The following GRTP1 variants were observed in gnomAD, a reference collection of about 807,000 sequenced individuals.
GRTP1 encodes growth hormone-regulated TBC protein 1.
GRTP1 carries 56 observed loss-of-function variants against 38.1 expected under a neutral mutation model. The observed-to-expected ratio is 1.47, with a 90% CI of 1.19 to 1.84. The LOEUF (loss-of-function observed/expected upper bound fraction) is 1.84. GRTP1 is among the 40% of genes most tolerant of loss of function. The probability of loss-of-function intolerance (pLI) is 0.00; values close to 1 mark genes in which losing one functional copy is unlikely to be tolerated. For missense variants in GRTP1, 506 were observed against 453.9 expected, an observed-to-expected ratio of 1.11 and a Z score of -1.04; for synonymous variants, 217 against 189.5, an observed-to-expected ratio of 1.14 and a Z score of -1.19.
At chr13:113,338,908 ATTTTTTT>A (rs10534935) in intron 5 of GRTP1, among the ~76,000 whole-genome samples, 1 of 93,618 alleles carries the variant, frequency 1.1e-5, no homozygotes, top group Non-Finnish European at 2.3e-5. Context: ...TTCTGCTTAG[ATTTTTTT>A]TTTTTTTTTT....
rs1429948137 is a variant in GRTP1, at chr13:113,342,256, G to C, written c.562+2607C>G. On this transcript the variant is annotated intron_variant, in intron 5 of 7. Coordinates refer to ENST00000375431, the MANE Select transcript of GRTP1 (RefSeq NM_024719.4). The surrounding 1 kb of genome is among the most constrained non-coding windows in gnomAD (Gnocchi z 4.5). ...GCTGTCACTTTTTATTCTATAAAAA[G>C]TACTGTTGGGAGGCCGAGGCAGGCG... Among the ~76,000 whole-genome samples, 1 of 152,118 alleles carries C rather than the reference G, an allele frequency of 6.6e-6. No homozygotes were observed. Among genetic ancestry groups the C allele is most frequent in the South Asian group, 2.1e-4 (1 of 4,828 alleles).
chr13:113,352,300 A>ATTTTATTTTATATATAT (rs2043289323), intron 3 of GRTP1, among the ~76,000 whole-genome samples: 1 of 41,026 alleles, frequency 2.4e-5, no homozygotes, highest in African/African-American at 1.3e-4. Context: ...ATTTATATAT[A>ATTTTATTTTATATATAT]TTTTATATAT....
intron 7 of GRTP1, chr13:113,325,022 G>A: frequency 1.4e-6 from 1 of 714,810 alleles, no homozygotes; most frequent in Non-Finnish European, 1.7e-6. Context: ...TAGAGACGGG[G>A]TTTCACCGTG....
At chr13:113,355,208 G>T in intron 3 of GRTP1, 115 bp downstream of exon 3, 1 of 1,033,128 alleles carries the variant, frequency 9.7e-7, no homozygotes, top group Non-Finnish European at 1.4e-6. Context: ...GTAACTTCAA[G>T]TTAAAAGCAG....
rs2042881761 is a variant in GRTP1 at position 113,332,256 on chromosome 13, C to CACACACACGT, written c.563-6166_563-6165insACGTGTGTGT. On this transcript the variant is annotated intron_variant, in intron 5 of 7. Transcript: ENST00000375431. ...CCACACACAGGTACACACGTGCACACGCACACCACACACAGGTACACACGT... is the reference window on the plus strand; with the variant it reads ...CCACACACAGGTACACACGTGCACACACACACACGTGCACACCACACACAGGTACACACGT... Among the ~76,000 whole-genome samples the CACACACACGT allele has an allele frequency of 1.5e-3, 229 of 151,472 alleles. 1 individual carries two copies. Among genetic ancestry groups the CACACACACGT allele is most frequent in the African/African-American group, 5.0e-3 (206 of 40,986 alleles).
intron 4 of GRTP1, among the ~76,000 whole-genome samples, chr13:113,346,227 A>AGCGGACCTGGGAGGACCTCTGTGCCTG (rs2043124467): frequency 8.6e-6 from 1 of 116,656 alleles, no homozygotes; most frequent in Non-Finnish European, 1.8e-5. Context: ...TGTGGCTGAG[A>AGCGGACCTGGGAGGACCTCTGTGCCTG]ACAGACCCGG....
In GRTP1 at chr13:113,324,667, G is replaced by A. The variant is rs1318781602; in HGVS notation, c.922-90C>T. The A allele has an allele frequency of 5.7e-5, 86 of 1,510,874 alleles. 1 individual carries two copies. The South Asian group carries it at 5.8e-4, about 10-fold the overall frequency. The allele number at this position is 1,510,874 out of a possible 1,614,324, so 93.6% of individuals were successfully genotyped here. Reference sequence around the variant, plus strand: ...ACTGGCAGGCAGGCAGACAGGCCTCGTGTGAGGTGAGGGAGGAGCAGTCCA... The same window carrying A: ...ACTGGCAGGCAGGCAGACAGGCCTCATGTGAGGTGAGGGAGGAGCAGTCCA... On this transcript the variant is annotated intron_variant, in intron 7 of 7. Coordinates refer to ENST00000375431, the MANE Select transcript of GRTP1 (RefSeq NM_024719.4).
chr13:113,351,739 G>A (rs1250004755), intron 3 of GRTP1: 1 of 152,324 alleles, frequency 6.6e-6, no homozygotes, highest in African/African-American at 2.4e-5. Context: ...AGCCGAGCAG[G>A]AAGGATAATG....
chr13:113,355,161 C>T (rs2043359378), intron 3 of GRTP1, 162 bp downstream of exon 3: 1 of 678,018 alleles, frequency 1.5e-6, no homozygotes, highest in Non-Finnish European at 2.5e-6. Context: ...TCTCCCCTTG[C>T]AAAGGCTTCA....
intron 5 of GRTP1, among the ~76,000 whole-genome samples, chr13:113,335,921 T>C (rs1053057692): frequency 2.0e-5 from 3 of 152,044 alleles, no homozygotes; most frequent in African/African-American, 7.2e-5. Context: ...GCCTCCTGAG[T>C]AGCTGGAATT....
rs1425147308 is a variant in GRTP1 at position 113,346,567 on chromosome 13, G to C, written c.466-1608C>G. On this transcript the variant is annotated intron_variant, in intron 4 of 7. Transcript: ENST00000375431. ...CTGTGGCAAAGAGCAGACCCAGGAG[G>C]ACCTCTGTGGCCGAGAACAGACCCG... 6.5e-4 allele frequency among the ~76,000 whole-genome samples: 10 copies of C among 15,286 alleles called. 2 individuals are homozygous for C. Among genetic ancestry groups the C allele is most frequent in the African/African-American group, 7.3e-4 (10 of 13,656 alleles). The allele number at this position is 15,286 out of a possible 152,430, so 10.0% of individuals were successfully genotyped here. A position where few individuals can be genotyped will look rare whatever the true frequency, so the allele number is the denominator to read the frequency against.
At position 113,343,610 on chromosome 13, in the gene GRTP1, G is replaced by A. The variant is rs962945087; in HGVS notation, c.562+1253C>T. 1.3e-5 allele frequency among the ~76,000 whole-genome samples: 2 copies of A among 152,166 alleles called. No homozygotes were observed. Among genetic ancestry groups the A allele is most frequent in the Non-Finnish European group, 1.5e-5 (1 of 68,020 alleles). On this transcript the variant is annotated intron_variant, in intron 5 of 7. Coordinates refer to ENST00000375431, the MANE Select transcript of GRTP1 (RefSeq NM_024719.4). The surrounding 1 kb of genome is among the most constrained non-coding windows in gnomAD (Gnocchi z 4.8). ...TGTACAGCGGTGGTCAGGCCAGCAC[G>A]CAAATTCTCCCGGCCTTCGGTGTCC...
At chr13:113,328,671 C>T (rs1333102675) in intron 5 of GRTP1, among the ~76,000 whole-genome samples, 6 of 152,318 alleles carry the variant, frequency 3.9e-5, no homozygotes, top group Non-Finnish European at 5.9e-5. Flanking sequence ...AGGTGTGCAC[C>T]ACCACACCCA....
At chr13:113,355,041 G>C (rs1445832646) in intron 3 of GRTP1, 2 of 323,826 alleles carry the variant, frequency 6.2e-6, no homozygotes, top group Non-Finnish European at 1.1e-5. Flanking sequence ...AACAGAGGCC[G>C]CCTCTCCCTG....
At chr13:113,332,859 G>C (rs749101659) in intron 5 of GRTP1, among the ~76,000 whole-genome samples, 1 of 152,232 alleles carries the variant, frequency 6.6e-6, no homozygotes. Flanking sequence ...AACCAGAAGA[G>C]GCTCCCGCTG....
chr13:113,329,236 G>A (rs906561132), intron 5 of GRTP1, among the ~76,000 whole-genome samples: 2 of 152,194 alleles, frequency 1.3e-5, no homozygotes, highest in African/African-American at 2.4e-5. Context: ...TATAATCCAC[G>A]CATAACACAC....
At chr13:113,332,817 C>T (rs571983424) in intron 5 of GRTP1, among the ~76,000 whole-genome samples, 3 of 152,314 alleles carry the variant, frequency 2.0e-5, no homozygotes, top group East Asian at 3.9e-4. Flanking sequence ...AAGCCGTCGG[C>T]GCCACATTCA....
In GRTP1 at chr13:113,355,427, A is replaced by G. The variant is rs942817158; in HGVS notation, c.236T>C (p.Met79Thr). The change falls in exon 3 of 8, where the codon ATG (methionine) becomes ACG (threonine). Residue 79 changes from methionine to threonine, a missense_variant. Met to Thr is a moderately conservative substitution (Grantham distance 81). Coordinates refer to ENST00000375431, the MANE Select transcript of GRTP1 (RefSeq NM_024719.4). ...CTGCGCCTGGGCCCCACTCAGCACCATCCAGACGCGGGCACGGTGCTCCAG... is the reference window on the plus strand; with the variant it reads ...CTGCGCCTGGGCCCCACTCAGCACCGTCCAGACGCGGGCACGGTGCTCCAG... Reference protein sequence around the residue: ...VPLEHRARVWMVLSGAQAQMD... With the variant: ...VPLEHRARVWTVLSGAQAQMD... The G allele has an allele frequency of 5.0e-6, 8 of 1,613,998 alleles. No homozygotes were observed. Among genetic ancestry groups the G allele is most frequent in the Admixed American group, 1.7e-5 (1 of 60,010 alleles).
chr13:113,325,784 G>A lies in GRTP1; in HGVS notation c.798C>T (p.Ala266=), dbSNP rs762087508. ...CCTGGTGCTGCTTAATTAAGGTCAGGGCCACCCGGAAGATAATCTTCGAGC... is the reference window on the plus strand; with the variant it reads ...CCTGGTGCTGCTTAATTAAGGTCAGAGCCACCCGGAAGATAATCTTCGAGC... ...NEGSKIIFRV[A]LTLIKQHQEL... The change falls in exon 7 of 8, where the codon GCC becomes GCT. Residue 266 remains alanine, a synonymous_variant. Transcript: ENST00000375431. 3.7e-6 allele frequency: 6 copies of A among 1,614,142 alleles called. No homozygotes were observed. The highest frequency in any genetic ancestry group is 2.2e-5 in the East Asian group (1 of 44,870).
Sources: gnomAD v4.1 joint callset for allele counts (sites outside exome capture counted in the v4.1 genomes callset) on GRCh38, gnomAD v4.1.1 for gene constraint, Gnocchi (gnomAD v3.1) non-coding constraint, MANE v1.5 for transcripts, NCBI Gene and HGNC (gene_info 2026-07-23, HGNC 2026-07-21) for gene names.